XPNPEP3: variants seen among roughly 807,000 people sequenced by gnomAD.
XPNPEP3 encodes xaa-Pro aminopeptidase 3.
In XPNPEP3, 41 loss-of-function variants were observed where a neutral mutation model predicts 60.0. That is an observed-to-expected ratio of 0.68 (90% CI 0.53 to 0.89). The LOEUF (loss-of-function observed/expected upper bound fraction) is 0.89. Ranked by LOEUF, XPNPEP3 falls within the 40% of genes least tolerant of loss-of-function variation. The probability of loss-of-function intolerance (pLI) is 0.00; values close to 1 mark genes in which losing one functional copy is unlikely to be tolerated. For missense variants in XPNPEP3, 598 were observed against 638.9 expected, an observed-to-expected ratio of 0.94 and a Z score of 0.69; for synonymous variants, 212 against 223.2, an observed-to-expected ratio of 0.95 and a Z score of 0.45.
At chr22:40,865,682 C>CT (rs903846403) in intron 1 of XPNPEP3, among the ~76,000 whole-genome samples, 1 of 70,564 alleles carries the variant, frequency 1.4e-5, no homozygotes, top group African/African-American at 5.7e-5. Context: ...ATACCACACT[C>CT]TTTTTTTGTG....
intron 4 of XPNPEP3, among the ~76,000 whole-genome samples, chr22:40,894,306 T>C (rs2058099903): frequency 6.6e-6 from 1 of 152,224 alleles, no homozygotes. Flanking sequence ...CAGAAGCATC[T>C]GTTGAGCTTC....
At chr22:40,867,234 G>A (rs760121942) in intron 1 of XPNPEP3, among the ~76,000 whole-genome samples, 8 of 152,086 alleles carry the variant, frequency 5.3e-5, no homozygotes, top group Non-Finnish European at 7.4e-5. Context: ...TCTGGACAAG[G>A]TTACACACTT....
intron 3 of XPNPEP3, 69 bp from the exon 4 acceptor site, chr22:40,886,244 T>TA: frequency 4.6e-6 from 7 of 1,509,316 alleles, no homozygotes; most frequent in Non-Finnish European, 6.4e-6. Flanking sequence ...TTCAAGTCGT[T>TA]ATGACAGTTG....
chr22:40,919,522 G>A (rs1191804905), intron 7 of XPNPEP3, among the ~76,000 whole-genome samples: 3 of 152,186 alleles, frequency 2.0e-5, no homozygotes, highest in Admixed American at 6.5e-5. Context: ...GTGCCACCAT[G>A]CCTGGCTAAT....
chr22:40,902,071 CTTTTTTTTTT>C (rs748080226), intron 4 of XPNPEP3, among the ~76,000 whole-genome samples: 1 of 127,612 alleles, frequency 7.8e-6, no homozygotes, highest in Non-Finnish European at 1.6e-5. Flanking sequence ...ACTTTTCCTT[CTTTTTTTTTT>C]TTTTTTTTTG....
At chr22:40,892,894 T>C (rs1395411522) in intron 4 of XPNPEP3, among the ~76,000 whole-genome samples, 2 of 151,986 alleles carry the variant, frequency 1.3e-5, no homozygotes, top group East Asian at 3.8e-4. Flanking sequence ...CTTATGCCTA[T>C]TTACCCACAA....
chr22:40,913,547 G>A (rs900162637), intron 6 of XPNPEP3, among the ~76,000 whole-genome samples: 8 of 151,162 alleles, frequency 5.3e-5, no homozygotes, highest in Admixed American at 6.6e-5. Context: ...ATATAGGATT[G>A]TTTTTTTCTC....
At chr22:40,860,680 TCTTA>T (rs2057937872) in intron 1 of XPNPEP3, 4 of 1,208,690 alleles carry the variant, frequency 3.3e-6, no homozygotes, top group Non-Finnish European at 4.6e-6. Context: ...TAAGACAGGG[TCTTA>T]CTTTGTCACC....
chr22:40,896,289 A>G (rs1288888510), intron 4 of XPNPEP3, among the ~76,000 whole-genome samples: 1 of 152,122 alleles, frequency 6.6e-6, no homozygotes, highest in Non-Finnish European at 1.5e-5. Context: ...TCGGCCTCCC[A>G]AAGTGCTGGG....
intron 4 of XPNPEP3, among the ~76,000 whole-genome samples, chr22:40,906,683 C>G (rs918570738): frequency 6.6e-6 from 1 of 152,172 alleles, no homozygotes; most frequent in African/African-American, 2.4e-5. Context: ...GCCATTCAAT[C>G]CATAATTTCA....
chr22:40,890,198 C>T (rs1385061807), intron 4 of XPNPEP3, among the ~76,000 whole-genome samples: 4 of 152,088 alleles, frequency 2.6e-5, no homozygotes, highest in Non-Finnish European at 4.4e-5. Flanking sequence ...CATCATATAG[C>T]AGTACCATTG....
intron 4 of XPNPEP3, 102 bp downstream of exon 4, chr22:40,886,617 A>G (rs1414031458): frequency 4.8e-6 from 5 of 1,037,628 alleles, no homozygotes; most frequent in Non-Finnish European, 7.3e-6. Flanking sequence ...TGAGGTCAGG[A>G]GATCGAGACC....
intron 7 of XPNPEP3, among the ~76,000 whole-genome samples, chr22:40,916,129 T>C (rs1487779586): frequency 6.6e-6 from 1 of 151,918 alleles, no homozygotes; most frequent in Non-Finnish European, 1.5e-5. Flanking sequence ...CTGTCTCTAC[T>C]AAAAATACAA....
chr22:40,931,065 T>C lies in XPNPEP3; in HGVS notation c.*4630T>C, dbSNP rs1234555977. The C allele has an allele frequency of 6.6e-6, 1 of 152,282 alleles. No homozygotes were observed. The highest frequency in any genetic ancestry group is 2.4e-5 in the African/African-American group (1 of 41,450). 9.4% of individuals were successfully genotyped at this position (152,282 alleles called of 1,614,324 possible). ...GGTTTCACCATGTTGGCCAGGATGG[T>C]CTTGATCTCCTGACCTCGTGATCTG... On this transcript the variant is annotated 3_prime_UTR_variant, in exon 10 of 10. Coordinates refer to ENST00000357137, the MANE Select transcript of XPNPEP3 (RefSeq NM_022098.4).
intron 1 of XPNPEP3, chr22:40,859,471 A>T (rs964207171): frequency 5.8e-4 from 89 of 152,252 alleles, no homozygotes; most frequent in African/African-American, 2.0e-3. Context: ...GGAAAATTGC[A>T]ATTTTTTTTT....
intron 4 of XPNPEP3, among the ~76,000 whole-genome samples, chr22:40,889,572 A>T (rs770983207): frequency 6.6e-6 from 1 of 152,210 alleles, no homozygotes; most frequent in Non-Finnish European, 1.5e-5. Flanking sequence ...TCACCCCTAT[A>T]ATCTCAGCAC....
intron 4 of XPNPEP3, among the ~76,000 whole-genome samples, chr22:40,901,463 G>A (rs573419751): frequency 8.6e-5 from 13 of 151,986 alleles, no homozygotes; most frequent in Admixed American, 4.6e-4. Flanking sequence ...TCTAACTCCC[G>A]AACTCAGGTG....
chr22:40,882,194 G>C lies in XPNPEP3; in HGVS notation c.589+17G>C. On this transcript the variant is annotated intron_variant, in intron 3 of 9. Coordinates refer to ENST00000357137, the MANE Select transcript of XPNPEP3 (RefSeq NM_022098.4). ...AAATGAAAGGTAACAAATGGGAGCA[G>C]AAGTCACATTACAAACCAGATTGGG... 1 of 1,613,776 alleles carries C rather than the reference G, an allele frequency of 6.2e-7. No homozygotes were observed. Among genetic ancestry groups the C allele is most frequent in the Non-Finnish European group, 8.5e-7 (1 of 1,179,954 alleles).
At chr22:40,919,694 C>T (rs1355248562) in intron 7 of XPNPEP3, among the ~76,000 whole-genome samples, 1 of 152,124 alleles carries the variant, frequency 6.6e-6, no homozygotes, top group Non-Finnish European at 1.5e-5. Context: ...GAAATGAAAA[C>T]ATTTCTCAAC....
Sources: gnomAD v4.1 joint callset for allele counts (sites outside exome capture counted in the v4.1 genomes callset) on GRCh38, gnomAD v4.1.1 for gene constraint, MANE v1.5 for transcripts, NCBI Gene and HGNC (gene_info 2026-07-23, HGNC 2026-07-21) for gene names.